The following TJP1 variants were observed in gnomAD, a reference collection of about 807,000 sequenced individuals.
TJP1 encodes tight junction protein ZO-1.
Under a neutral mutation model 194.2 loss-of-function variants are expected in TJP1, and 43 were observed. The observed-to-expected ratio is 0.22, with a 90% confidence interval of 0.17 to 0.29. TJP1 has a LOEUF of 0.29. TJP1 is among the 10% of genes least tolerant of loss of function. TJP1 has a pLI of 1.00. For synonymous variants in TJP1, 801 were observed against 779.0 expected, an observed-to-expected ratio of 1.03 and a Z score of -0.47; for missense variants, 1,971 against 2,185.7, an observed-to-expected ratio of 0.90 and a Z score of 1.96.
Position 29,726,430 on chromosome 15 carries a change from T to C in TJP1, c.2361A>G (p.Lys787=), listed in dbSNP as rs748358527. Residue 787 remains lysine, a synonymous_variant, in exon 18 of 28, where the codon AAA becomes AAG. Transcript: ENST00000614355. The stretch of plus-strand genomic sequence containing the variant: ...GGTTTTGCTGTTGTTGAATTGCTTC[T>C]TTCAGCGCACCATACCAACCATCAT... The part of the protein sequence containing the change: ...SMNDGWYGAL[K]EAIQQQQNQL... 1.2e-6 allele frequency: 2 copies of C among 1,614,108 alleles called. No homozygotes were observed. Among genetic ancestry groups the C allele is most frequent in the East Asian group, 4.5e-5 (2 of 44,866 alleles).
Position 29,737,249 on chromosome 15 carries a change from G to A in TJP1, c.1407+15C>T. The stretch of plus-strand genomic sequence containing the variant: ...AAATACTTTTTAACCCACATAAGTT[G>A]CAATACTGACATACCCTGAGAATTT... On this transcript the variant is annotated intron_variant, in intron 11 of 27. Transcript: ENST00000614355. 6.2e-7 allele frequency: 1 copy of A among 1,612,502 alleles called. No individual in the cohort carries two copies. The highest frequency in any genetic ancestry group is 8.5e-7 in the Non-Finnish European group (1 of 1,179,018).
intron 2 of TJP1, among the ~76,000 whole-genome samples, chr15:29,872,873 C>T (rs1220947045): frequency 6.6e-6 from 1 of 152,204 alleles, no homozygotes; most frequent in Non-Finnish European, 1.5e-5. Flanking sequence ...CAAATGCCCT[C>T]TTTCACTCTG....
chr15:29,737,462 C>T (rs1054817671), intron 10 of TJP1, 48 bp from the exon 11 acceptor site: 14 of 1,603,202 alleles, frequency 8.7e-6, no homozygotes, highest in South Asian at 7.7e-5. Flanking sequence ...GAGCTTAAAA[C>T]GTTATAGCAA....
chr15:29,706,888 C>T (rs188874098), intron 25 of TJP1, among the ~76,000 whole-genome samples: 2 of 152,216 alleles, frequency 1.3e-5, no homozygotes, highest in Admixed American at 6.5e-5. Flanking sequence ...CTCCTGACTT[C>T]CAGTGATCCG....
intron 8 of TJP1, among the ~76,000 whole-genome samples, chr15:29,754,895 G>A (rs1369303983): frequency 6.6e-6 from 1 of 152,054 alleles, no homozygotes; most frequent in Non-Finnish European, 1.5e-5. Flanking sequence ...ATATGTGACA[G>A]AAACTATATA....
chr15:29,918,682 T>G (rs2054263657), intron 2 of TJP1, among the ~76,000 whole-genome samples: 1 of 151,624 alleles, frequency 6.6e-6, no homozygotes, highest in African/African-American at 2.4e-5. Context: ...GAGGCTGCAG[T>G]AAGCTGAGAT....
intron 16 of TJP1, among the ~76,000 whole-genome samples, chr15:29,727,278 A>G (rs1049683963): frequency 2.0e-5 from 3 of 152,070 alleles, no homozygotes; most frequent in African/African-American, 7.2e-5. Flanking sequence ...TGAGAGGTAG[A>G]GGCTACAGTG....
chr15:29,826,172 C>G (rs187931240), upstream of TJP1, among the ~76,000 whole-genome samples: 3 of 150,110 alleles, frequency 2.0e-5, no homozygotes, highest in Admixed American at 1.3e-4. Flanking sequence ...GACATAAACA[C>G]TAAAAAACAA....
chr15:29,906,211 G>C (rs1172012157), intron 2 of TJP1, among the ~76,000 whole-genome samples: 1 of 152,062 alleles, frequency 6.6e-6, no homozygotes, highest in East Asian at 1.9e-4. Flanking sequence ...GGTGGCTCAC[G>C]CCTATAATCC....
chr15:29,847,786 A>G (rs1409138318), intron 2 of TJP1, among the ~76,000 whole-genome samples: 1 of 152,194 alleles, frequency 6.6e-6, no homozygotes, highest in African/African-American at 2.4e-5. Flanking sequence ...CTCTGTCTCA[A>G]AAAAATAAAA....
At chr15:29,952,764 T>G (rs1042083264) in intron 2 of TJP1, among the ~76,000 whole-genome samples, 15 of 152,226 alleles carry the variant, frequency 9.9e-5, no homozygotes, top group African/African-American at 3.4e-4. Flanking sequence ...TGTATTTACT[T>G]TGGCAGTCAT....
chr15:29,948,612 C>A (rs1165934442), intron 2 of TJP1, among the ~76,000 whole-genome samples: 1 of 152,100 alleles, frequency 6.6e-6, no homozygotes, highest in Non-Finnish European at 1.5e-5. Context: ...GGACGTGAGG[C>A]CTGAACTGCT....
intron 2 of TJP1, among the ~76,000 whole-genome samples, chr15:29,871,883 G>A (rs2052537689): frequency 6.6e-6 from 1 of 152,234 alleles, no homozygotes; most frequent in Admixed American, 6.5e-5. Context: ...CATAAGACAT[G>A]AGAAGTATAA....
chr15:29,967,462 T>C (rs998534210), intron 1 of TJP1, among the ~76,000 whole-genome samples: 6 of 152,166 alleles, frequency 3.9e-5, no homozygotes, highest in African/African-American at 1.4e-4. Flanking sequence ...CACCTTTGTA[T>C]TCATTATCAG....
chr15:29,943,464 C>G (rs1181192969), intron 2 of TJP1, among the ~76,000 whole-genome samples: 1 of 151,340 alleles, frequency 6.6e-6, no homozygotes, highest in Non-Finnish European at 1.5e-5. Context: ...CTCGTCTCTA[C>G]TGAAAACACA....
At chr15:29,814,500 GT>G (rs2049764903) in intron 1 of TJP1, among the ~76,000 whole-genome samples, 1 of 152,110 alleles carries the variant, frequency 6.6e-6, no homozygotes, top group African/African-American at 2.4e-5. Flanking sequence ...CTTATATTAA[GT>G]TTAACTGGTG....
intron 2 of TJP1, among the ~76,000 whole-genome samples, chr15:29,869,206 G>C (rs561156754): frequency 1.3e-5 from 2 of 152,170 alleles, no homozygotes; most frequent in African/African-American, 2.4e-5. Flanking sequence ...GGTGAACAGC[G>C]AATGTGTGAG....
At chr15:29,790,757 T>C (rs556572886) in intron 2 of TJP1, among the ~76,000 whole-genome samples, 8 of 151,842 alleles carry the variant, frequency 5.3e-5, no homozygotes, top group Non-Finnish European at 8.8e-5. Flanking sequence ...TTTTCTTTTT[T>C]TTTTTTTTTT....
intron 4 of TJP1, among the ~76,000 whole-genome samples, chr15:29,770,008 G>A (rs374619981): frequency 2.6e-5 from 4 of 152,126 alleles, no homozygotes; most frequent in African/African-American, 9.6e-5. Context: ...GGCTCCATGC[G>A]TGTTACTGCC....
Sources: gnomAD v4.1 joint callset for allele counts (sites outside exome capture counted in the v4.1 genomes callset) on GRCh38, gnomAD v4.1.1 for gene constraint, MANE v1.5 for transcripts, NCBI Gene and HGNC (gene_info 2026-07-23, HGNC 2026-07-21) for gene names.